Variants in FILIP1 observed in about 807,000 individuals in gnomAD.
FILIP1 encodes the protein filamin-A-interacting protein 1.
In FILIP1, 61 loss-of-function variants were observed where a neutral mutation model predicts 102.1. The observed-to-expected ratio is 0.60, with a 90% CI of 0.49 to 0.74. The LOEUF is 0.74. FILIP1 is among the 30% of genes least tolerant of loss of function. FILIP1 has a pLI of 0.00. For missense variants in FILIP1, 1,314 were observed against 1,441.2 expected (o/e 0.91, Z 1.43); for synonymous variants, 491 against 526.9 (o/e 0.93, Z 0.93).
At chr6:75,452,136 T>G (rs1344713272) in intron 1 of FILIP1, among the ~76,000 whole-genome samples, 2 of 152,074 alleles carry the variant, frequency 1.3e-5, no homozygotes, top group African/African-American at 4.8e-5. Flanking sequence ...TACTTTAAGT[T>G]TTAGGGTACA....
At chr6:75,486,939 G>T in intron 1 of FILIP1, among the ~76,000 whole-genome samples, 1 of 151,952 alleles carries the variant, frequency 6.6e-6, no homozygotes, top group East Asian at 1.9e-4. Context: ...GTAGAAGTTG[G>T]GGATGTCTTA....
intron 4 of FILIP1, chr6:75,319,355 GA>G: frequency 3.2e-6 from 2 of 631,066 alleles, no homozygotes; most frequent in East Asian, 3.6e-5. Context: ...AGCAGAACAT[GA>G]AAAAGGCCGA....
chr6:75,390,710 G>A (rs776677155), intron 2 of FILIP1, among the ~76,000 whole-genome samples: 22 of 152,128 alleles, frequency 1.4e-4, no homozygotes, highest in Admixed American at 3.3e-4. Flanking sequence ...GTCCAACACT[G>A]GGGATTACAT....
chr6:75,345,000 A>T (rs1774528796), intron 4 of FILIP1, among the ~76,000 whole-genome samples: 1 of 152,222 alleles, frequency 6.6e-6, no homozygotes, highest in South Asian at 2.1e-4. Context: ...AACTGTGCCA[A>T]CATGAACATC....
At chr6:75,307,399 C>CA (rs1333086020), downstream of FILIP1, among the ~76,000 whole-genome samples, 1 of 152,094 alleles carries the variant, frequency 6.6e-6, no homozygotes, top group Non-Finnish European at 1.5e-5. Context: ...TTGGAACACT[C>CA]ACAATTCAAA....
chr6:75,463,786 G>A (rs1000046012), intron 1 of FILIP1, among the ~76,000 whole-genome samples: 1 of 152,170 alleles, frequency 6.6e-6, no homozygotes, highest in Non-Finnish European at 1.5e-5. Context: ...CCAGCTCAGA[G>A]TCAGTGAACT....
chr6:75,353,466 T>A, intron 4 of FILIP1, 73 bp downstream of exon 4: 3 of 1,537,312 alleles, frequency 2.0e-6, no homozygotes, highest in Admixed American at 1.8e-5. Flanking sequence ...GAAAGACTGA[T>A]CCCTGAAGGG....
chr6:75,319,605 C>T (rs1202580341), intron 4 of FILIP1: 19 of 450,458 alleles, frequency 4.2e-5, no homozygotes, highest in South Asian at 2.2e-4. Flanking sequence ...CCGAGGCTGG[C>T]GGATCACAAG....
intron 4 of FILIP1, among the ~76,000 whole-genome samples, chr6:75,332,410 T>C (rs759320915): frequency 9.2e-5 from 14 of 152,196 alleles, no homozygotes; most frequent in Non-Finnish European, 1.9e-4. Flanking sequence ...TAATTTTCAC[T>C]AGGAACAGGA....
At chr6:75,323,315 A>G (rs1423526743) in intron 4 of FILIP1, among the ~76,000 whole-genome samples, 2 of 152,212 alleles carry the variant, frequency 1.3e-5, no homozygotes, top group African/African-American at 4.8e-5. Context: ...GTCAAGATTC[A>G]TCAAATTATG....
At chr6:75,378,593 T>C (rs985155720) in intron 2 of FILIP1, among the ~76,000 whole-genome samples, 2 of 152,198 alleles carry the variant, frequency 1.3e-5, no homozygotes, top group Admixed American at 6.5e-5. Context: ...CTGTGGTCAA[T>C]AGGCTATGAG....
At chr6:75,355,560 G>A (rs78979343) in intron 3 of FILIP1, among the ~76,000 whole-genome samples, 5,718 of 151,836 alleles carry the variant, frequency 0.038, 378 homozygotes, top group African/African-American at 0.13. Flanking sequence ...AAGTCATCAC[G>A]TCCAGCTAAT....
intron 5 of FILIP1, among the ~76,000 whole-genome samples, chr6:75,309,237 T>C (rs1419963962): frequency 6.6e-6 from 1 of 152,060 alleles, no homozygotes; most frequent in East Asian, 1.9e-4. Context: ...CTCCTACTGC[T>C]CCCTAAATTA....
intron 1 of FILIP1, among the ~76,000 whole-genome samples, chr6:75,459,223 G>T (rs2149747519): frequency 6.6e-6 from 1 of 152,254 alleles, no homozygotes. Flanking sequence ...TTTTCTGTGA[G>T]TGTCTGCAAT....
chr6:75,430,746 C>T (rs150406423), intron 1 of FILIP1, among the ~76,000 whole-genome samples: 197 of 152,266 alleles, frequency 1.3e-3, no homozygotes, highest in Non-Finnish European at 1.8e-3. Flanking sequence ...TGAATAACTG[C>T]TAAGATCATA....
At chr6:75,458,757 T>C (rs1326079990) in intron 1 of FILIP1, 1 of 152,228 alleles carries the variant, frequency 6.6e-6, no homozygotes, top group African/African-American at 2.4e-5. Flanking sequence ...GCTCTGATCA[T>C]GTCTACTCTC....
intron 1 of FILIP1, among the ~76,000 whole-genome samples, chr6:75,431,288 A>T (rs1309516646): frequency 6.6e-6 from 1 of 152,200 alleles, no homozygotes; most frequent in Admixed American, 6.5e-5. Flanking sequence ...GATGTACATA[A>T]ACAGTAAAGT....
chr6:75,345,231 G>T lies in FILIP1; in HGVS notation c.629+8308C>A, dbSNP rs1006065403. ...TTTTTTCTTATAATCAGTTTTCTTT[G>T]ATTATTATCTCATCCTTTTGTACAA... On this transcript the variant is annotated intron_variant, in intron 4 of 5. Coordinates refer to ENST00000237172, the MANE Select transcript of FILIP1 (RefSeq NM_015687.5). Among the ~76,000 whole-genome samples, 11 of 151,768 alleles carry T rather than the reference G, an allele frequency of 7.2e-5. No individual in the cohort carries two copies. In the East Asian group the frequency reaches 2.1e-3, roughly 29 times the overall value.
At chr6:75,319,845 A>C in intron 4 of FILIP1, 1 of 432,184 alleles carries the variant, frequency 2.3e-6, no homozygotes, top group Non-Finnish European at 4.2e-6. Context: ...AAAAAAAAGA[A>C]AAGAAAAGAA....
Sources: gnomAD v4.1 joint callset for allele counts (sites outside exome capture counted in the v4.1 genomes callset) on GRCh38, gnomAD v4.1.1 for gene constraint, MANE v1.5 for transcripts, NCBI Gene and HGNC (gene_info 2026-07-23, HGNC 2026-07-21) for gene names.